Variants in NBAS observed in about 807,000 individuals in gnomAD.
The protein encoded by NBAS is NAG/BC035112 fusion.
Under a neutral mutation model 302.5 loss-of-function variants are expected in NBAS, and 219 were observed. The observed-to-expected ratio is 0.72, with a 90% CI of 0.65 to 0.81. NBAS has a LOEUF of 0.81. Among genes scored for constraint, NBAS ranks in the 30% least tolerant of loss-of-function variants. NBAS has a pLI of 0.00. For missense variants in NBAS, 2,932 were observed against 2,841.6 expected, an observed-to-expected ratio of 1.03 and a Z score of -0.72; for synonymous variants, 1,118 against 1,021.6, an observed-to-expected ratio of 1.09 and a Z score of -1.80.
intron 44 of NBAS, among the ~76,000 whole-genome samples, chr2:15,259,621 C>A (rs115857558): frequency 6.6e-6 from 1 of 152,204 alleles, no homozygotes; most frequent in African/African-American, 2.4e-5. Flanking sequence ...AATATAAACA[C>A]TCAAGGAGCC....
the NBAS span, among the ~76,000 whole-genome samples, chr2:15,006,337 G>A: frequency 1.3e-5 from 2 of 152,122 alleles, no homozygotes; most frequent in Non-Finnish European, 2.9e-5. Flanking sequence ...GCACGATGAT[G>A]TTCATTATGG....
chr2:15,025,056 G>A, the NBAS span, among the ~76,000 whole-genome samples: 2 of 152,078 alleles, frequency 1.3e-5, no homozygotes, highest in Non-Finnish European at 2.9e-5. Flanking sequence ...TGTCCAAAAT[G>A]GTATTTCCTA....
At chr2:14,895,753 G>A in the NBAS span, among the ~76,000 whole-genome samples, 2 of 144,942 alleles carry the variant, frequency 1.4e-5, no homozygotes, top group African/African-American at 2.5e-5. Context: ...AAAAAAAAAA[G>A]CTTCTGCAAA....
chr2:14,977,796 T>C, the NBAS span, among the ~76,000 whole-genome samples: 671 of 152,264 alleles, frequency 4.4e-3, 2 homozygotes, highest in African/African-American at 0.014. Context: ...TGTGCCTAAT[T>C]AAATGATGCT....
chr2:15,139,456 A>G, the NBAS span, among the ~76,000 whole-genome samples: 1 of 151,844 alleles, frequency 6.6e-6, no homozygotes, highest in African/African-American at 2.4e-5. Flanking sequence ...AATATGAGTT[A>G]CTGCTTTTTA....
intron 34 of NBAS, among the ~76,000 whole-genome samples, chr2:15,353,302 T>C (rs1397754342): frequency 2.0e-5 from 3 of 152,228 alleles, no homozygotes; most frequent in African/African-American, 4.8e-5. Context: ...TTTTCAATAA[T>C]TTCTTTCCAA....
chr2:15,199,584 T>C (rs1376163077), intron 48 of NBAS, among the ~76,000 whole-genome samples: 1 of 152,210 alleles, frequency 6.6e-6, no homozygotes, highest in Non-Finnish European at 1.5e-5. Context: ...TGCTTCAACA[T>C]ATCTCACTAC....
chr2:15,365,240 G>A (rs1225585245), intron 32 of NBAS, among the ~76,000 whole-genome samples: 4 of 152,152 alleles, frequency 2.6e-5, no homozygotes, highest in African/African-American at 9.7e-5. Context: ...AGGTATTCCT[G>A]TTACTATGTT....
chr2:15,048,780 C>G, the NBAS span, among the ~76,000 whole-genome samples: 20 of 152,234 alleles, frequency 1.3e-4, no homozygotes, highest in African/African-American at 4.8e-4. Context: ...AACACATATC[C>G]CCAAGTCCTG....
At chr2:15,131,770 A>C in the NBAS span, among the ~76,000 whole-genome samples, 20 of 152,322 alleles carry the variant, frequency 1.3e-4, no homozygotes, top group African/African-American at 3.8e-4. Flanking sequence ...CAGGATGTAC[A>C]AGCATGGCCC....
the NBAS span, among the ~76,000 whole-genome samples, chr2:14,861,444 C>G: frequency 6.6e-6 from 1 of 152,180 alleles, no homozygotes; most frequent in African/African-American, 2.4e-5. Flanking sequence ...CTTGACACAC[C>G]TGGAGGAGCA....
the NBAS span, among the ~76,000 whole-genome samples, chr2:14,810,597 A>C: frequency 6.6e-6 from 1 of 152,208 alleles, no homozygotes; most frequent in Non-Finnish European, 1.5e-5. Flanking sequence ...CACAAAAACT[A>C]ATACAGCTGG....
chr2:15,112,332 T>G, the NBAS span, among the ~76,000 whole-genome samples: 1 of 151,676 alleles, frequency 6.6e-6, no homozygotes, highest in African/African-American at 2.4e-5. Context: ...AGATAATGCT[T>G]TAAGAGAAAA....
the NBAS span, among the ~76,000 whole-genome samples, chr2:14,991,367 G>A: frequency 2.3e-4 from 35 of 152,178 alleles, no homozygotes; most frequent in East Asian, 4.4e-3. Context: ...TTCCTCCCAC[G>A]TTGGAGGGAA....
chr2:15,460,757 T>C (rs1679469259), intron 21 of NBAS, among the ~76,000 whole-genome samples: 1 of 152,206 alleles, frequency 6.6e-6, no homozygotes, highest in Non-Finnish European at 1.5e-5. Flanking sequence ...AATATTTTGA[T>C]TTCCCATTTG....
the NBAS span, among the ~76,000 whole-genome samples, chr2:15,093,286 C>T: frequency 2.0e-5 from 3 of 152,000 alleles, no homozygotes; most frequent in Non-Finnish European, 2.9e-5. Context: ...TGTGGTGGCA[C>T]GTGCCGGTAA....
chr2:15,080,560 C>T, the NBAS span, among the ~76,000 whole-genome samples: 3 of 152,234 alleles, frequency 2.0e-5, no homozygotes, highest in Non-Finnish European at 4.4e-5. Context: ...GACTATATCT[C>T]ACAATTTATG....
the NBAS span, among the ~76,000 whole-genome samples, chr2:15,098,389 T>C: frequency 5.1e-3 from 81 of 15,760 alleles, no homozygotes; most frequent in African/African-American, 0.011. Context: ...TATGATATAT[T>C]GTATATTATA....
At chr2:14,872,639 T>TA in the NBAS span, among the ~76,000 whole-genome samples, 1 of 152,086 alleles carries the variant, frequency 6.6e-6, no homozygotes, top group Non-Finnish European at 1.5e-5. Flanking sequence ...GGGTGAGTGT[T>TA]ACAGCACTTA....
Sources: allele counts gnomAD v4.1 joint callset (sites outside exome capture counted in the v4.1 genomes callset), GRCh38; gene constraint gnomAD v4.1.1; transcripts MANE v1.5; gene names NCBI Gene and HGNC (gene_info 2026-07-23, HGNC 2026-07-21).